The following PER1 variants were observed in gnomAD, a reference collection of about 807,000 sequenced individuals.
PER1 encodes period circadian protein homolog 1.
PER1 carries 87 observed loss-of-function variants against 125.9 expected under a neutral mutation model. That is an observed-to-expected ratio of 0.69 (90% CI 0.58 to 0.83). The LOEUF is 0.83. Among genes scored for constraint, PER1 ranks in the 40% least tolerant of loss-of-function variants. The pLI, the probability that PER1 is intolerant of heterozygous loss-of-function variation, is 0.00. For missense variants in PER1, 1,775 were observed against 1,722.8 expected, an observed-to-expected ratio of 1.03 and a Z score of -0.54; for synonymous variants, 801 against 714.7, an observed-to-expected ratio of 1.12 and a Z score of -1.93.
At chr17:8,141,731 TGAG>T (rs1223551451) in intron 22 of PER1, 71 bp downstream of exon 22, 2 of 1,534,242 alleles carry the variant, frequency 1.3e-6, no homozygotes, top group African/African-American at 2.8e-5. Flanking sequence ...CCCTTGAACT[TGAG>T]CTCAATTCTT....
At position 8,144,869 on chromosome 17, in the gene PER1, G is replaced by C; in HGVS notation, c.2343C>G (p.Ala781=). Reference sequence around the variant, plus strand: ...CCTTCTGTGTGTGCAGGGACAGCACGGCCTTGGTCAGCCCCACTGGACGGT... The same window carrying C: ...CCTTCTGTGTGTGCAGGGACAGCACCGCCTTGGTCAGCCCCACTGGACGGT... ...DAYRPVGLTK[A]VLSLHTQKEE... The change falls in exon 18 of 23, where the codon GCC becomes GCG. Residue 781 remains alanine, a synonymous_variant. Coordinates refer to ENST00000317276, the MANE Select transcript of PER1 (RefSeq NM_002616.3). 8 of 1,580,316 alleles carry C rather than the reference G, an allele frequency of 5.1e-6. No homozygotes were observed. Among genetic ancestry groups the C allele is most frequent in the Non-Finnish European group, 6.0e-6 (7 of 1,160,882 alleles).
intron 17 of PER1, among the ~76,000 whole-genome samples, chr17:8,145,472 C>T (rs572987350): frequency 3.9e-5 from 6 of 152,068 alleles, no homozygotes; most frequent in Non-Finnish European, 5.9e-5. Context: ...TACAGGCGCG[C>T]GCCACCACGC....
chr17:8,141,020 G>A lies in PER1; in HGVS notation c.*48C>T. 2 of 1,559,784 alleles carry A rather than the reference G, an allele frequency of 1.3e-6. No homozygotes were observed. The highest frequency in any genetic ancestry group is 1.7e-6 in the Non-Finnish European group (2 of 1,148,398). On this transcript the variant is annotated 3_prime_UTR_variant, in exon 23 of 23. Coordinates refer to ENST00000317276, the MANE Select transcript of PER1 (RefSeq NM_002616.3). ...CTGAGTTCTGAGAATTGGGACATAG[G>A]AGAAGAAAGCCTCTCATGGACTCCT... is the stretch of plus-strand genomic sequence containing the variant.
At chr17:8,151,115 T>G (rs1377721344) in intron 1 of PER1, among the ~76,000 whole-genome samples, 1 of 152,228 alleles carries the variant, frequency 6.6e-6, no homozygotes, top group Non-Finnish European at 1.5e-5. Flanking sequence ...GACAAAAACC[T>G]GGACACTTCC....
At chr17:8,142,583 G>A in intron 20 of PER1, 66 bp downstream of exon 20, 4 of 1,586,160 alleles carry the variant, frequency 2.5e-6, no homozygotes, top group Middle Eastern at 1.7e-4. Flanking sequence ...CGCCAAGACG[G>A]GGCCTGGGCT....
Position 8,149,216 on chromosome 17 carries a change from A to G in PER1, c.905+43T>C, listed in dbSNP as rs777019939. On this transcript the variant is annotated intron_variant, in intron 7 of 22. Coordinates refer to ENST00000317276, the MANE Select transcript of PER1 (RefSeq NM_002616.3). ...AAAGCAAAAACAAAAACAAAAACAA[A>G]AAAAAAAGGAGGCAGAGGTCTTCTC... is the stretch of plus-strand genomic sequence containing the variant. The G allele has an allele frequency of 2.6e-6, 4 of 1,563,970 alleles. No homozygotes were observed. The African/African-American group carries it at 4.1e-5, about 16-fold the overall frequency.
chr17:8,142,067 A>C, intron 21 of PER1, 112 bp from the exon 22 acceptor site: 1 of 1,422,044 alleles, frequency 7.0e-7, no homozygotes, highest in Non-Finnish European at 9.7e-7. Flanking sequence ...CTCCTCCCCT[A>C]AACTAGTGCT....
At position 8,142,251 on chromosome 17, in the gene PER1, G is replaced by T. The variant is rs530659025; in HGVS notation, c.3449+18C>A. On this transcript the variant is annotated intron_variant, in intron 21 of 22. Transcript: ENST00000317276. ...TACCTCTGAAAGGAAGGCCAAGAAG[G>T]CCTCTGAAATGCCTCACCTGGAGGG... 9.0e-6 allele frequency: 14 copies of T among 1,561,632 alleles called. 1 individual carries two copies. The highest frequency in any genetic ancestry group is 1.7e-4 in the Middle Eastern group (1 of 5,832).
chr17:8,143,245 G>C (rs754681633), intron 19 of PER1, 21 bp downstream of exon 19: 15 of 1,445,998 alleles, frequency 1.0e-5, no homozygotes, highest in Non-Finnish European at 1.4e-5. Context: ...CTGGCAGGCA[G>C]ACGCAGGGGT....
rs1982203899 is a variant in PER1 at position 8,143,373 on chromosome 17, G to A, written c.2965C>T (p.Leu989=). ...SSPLQLNLLQ[L]EELPRAEGAA... is the part of the protein sequence containing the mutation. ...CCCTCAGCACGGGGGAGCTCCTCCA[G>A]CTGCAGCAGATTGAGCTGGAGTGGA... The change falls in exon 19 of 23, where the codon CTG becomes TTG. Residue 989 remains leucine, a synonymous_variant. Coordinates refer to ENST00000317276, the MANE Select transcript of PER1 (RefSeq NM_002616.3). 1.2e-6 allele frequency: 2 copies of A among 1,613,314 alleles called. No homozygotes were observed. The highest frequency in any genetic ancestry group is 3.3e-5 in the Admixed American group (2 of 59,940).
In PER1 at chr17:8,142,450, G is replaced by A; in HGVS notation, c.3268C>T (p.Gln1090Ter). 6.3e-7 allele frequency: 1 copy of A among 1,579,030 alleles called. No individual in the cohort carries two copies. Among genetic ancestry groups the A allele is most frequent in the Non-Finnish European group, 8.6e-7 (1 of 1,161,234 alleles). ...STSASITRSSQSSHTSKYFGS... is the reference protein window; with the variant it reads ...STSASITRSS ...AAGTATTTGCTTGTGTGGCTGCTCT[G>A]GCTGCTGCCTGTGAAGTGGGGGGCA... Residue 1090 changes from glutamine to a stop codon, truncating the protein, a stop_gained, in exon 21 of 23, where the codon CAG becomes TAG. Transcript: ENST00000317276. LOFTEE classifies it high-confidence loss of function.
At position 8,141,004 on chromosome 17, in the gene PER1, G is replaced by A; in HGVS notation, c.*64C>T. ...GTTGGTCTAGCCACATCTGAGTTCTGAGAATTGGGACATAGGAGAAGAAAG... is the reference window on the plus strand; with the variant it reads ...GTTGGTCTAGCCACATCTGAGTTCTAAGAATTGGGACATAGGAGAAGAAAG... On this transcript the variant is annotated 3_prime_UTR_variant, in exon 23 of 23. Transcript: ENST00000317276. 1 of 1,530,614 alleles carries A rather than the reference G, an allele frequency of 6.5e-7. No homozygotes were observed. Among genetic ancestry groups the A allele is most frequent in the South Asian group, 1.2e-5 (1 of 80,182 alleles). 94.8% of individuals were successfully genotyped at this position (1,530,614 alleles called of 1,614,324 possible).
rs1465656757 is a variant in PER1, at chr17:8,142,161, AAGAT to A, written c.3449+104_3449+107del. The A allele has an allele frequency of 4.5e-6, 5 of 1,122,526 alleles. No homozygotes were observed. In the South Asian group the frequency reaches 6.1e-5, roughly 14 times the overall value. The allele number at this position is 1,122,526 out of a possible 1,614,324, so 69.5% of individuals were successfully genotyped here. A position where few individuals can be genotyped will look rare whatever the true frequency, so the allele number is the denominator to read the frequency against. ...AACAGGGCTCCAAGGAGCAGGAAGAAAGATAGAAACGTTTATCCTATCCAGGGCA... is the reference window on the plus strand; with the variant it reads ...AACAGGGCTCCAAGGAGCAGGAAGAAAGAAACGTTTATCCTATCCAGGGCA... On this transcript the variant is annotated intron_variant, in intron 21 of 22. Coordinates refer to ENST00000317276, the MANE Select transcript of PER1 (RefSeq NM_002616.3).
chr17:8,147,510 A>G lies in PER1; in HGVS notation c.1457T>C (p.Ile486Thr). The G allele has an allele frequency of 6.2e-7, 1 of 1,613,874 alleles. No homozygotes were observed. Among genetic ancestry groups the G allele is most frequent in the African/African-American group, 1.3e-5 (1 of 75,000 alleles). The change falls in exon 12 of 23, where the codon ATC (isoleucine) becomes ACC (threonine). Residue 486 changes from isoleucine (I) to threonine (T), a missense_variant. Ile to Thr is a moderately conservative substitution (Grantham distance 89, BLOSUM62 -1). Coordinates refer to ENST00000317276, the MANE Select transcript of PER1 (RefSeq NM_002616.3). ...PSPAPSLDTD[I>T]QELSEQIHRL... ...GTGGATCTGCTCTGACAGCTCCTGGATATCAGTGTCCAGGGAGGGAGCTGG... is the reference window on the plus strand; with the variant it reads ...GTGGATCTGCTCTGACAGCTCCTGGGTATCAGTGTCCAGGGAGGGAGCTGG...
rs376798547 is a variant in PER1, at chr17:8,146,354, G to A, written c.2038+18C>T. On this transcript the variant is annotated intron_variant, in intron 16 of 22. Transcript: ENST00000317276. ...GGCCAGGACGGGGCAGTGGGAGCAG[G>A]GTGCATTGGATCTTTACCTTTCTTG... The A allele has an allele frequency of 2.3e-5, 36 of 1,586,970 alleles. No individual in the cohort carries two copies. The highest frequency in any genetic ancestry group is 1.7e-4 in the African/African-American group (13 of 74,414).
rs376885431 is a variant in PER1 at position 8,143,349 on chromosome 17, C to T, written c.2989G>A (p.Gly997Arg). Residue 997 changes from glycine to arginine, a missense_variant, in exon 19 of 23, where the codon GGG (glycine) becomes AGG (arginine). Physicochemically the swap from Gly to Arg is moderately radical, Grantham distance 125. Coordinates refer to ENST00000317276, the MANE Select transcript of PER1 (RefSeq NM_002616.3). Reference sequence around the variant, plus strand: ...CCAGGGCCTCCTGCAACAGCAGCCCCCTCAGCACGGGGGAGCTCCTCCAGC... The same window carrying T: ...CCAGGGCCTCCTGCAACAGCAGCCCTCTCAGCACGGGGGAGCTCCTCCAGC... The part of the protein sequence containing the change: ...LQLEELPRAE[G>R]AAVAGGPGSS... The T allele has an allele frequency of 5.0e-6, 8 of 1,611,870 alleles. No individual in the cohort carries two copies. Among genetic ancestry groups the T allele is most frequent in the East Asian group, 2.2e-5 (1 of 44,826 alleles).
Position 8,142,786 on chromosome 17 carries a change from T to C in PER1, c.3122A>G (p.Asp1041Gly). The C allele has an allele frequency of 3.1e-6, 5 of 1,612,972 alleles. No individual in the cohort carries two copies. The highest frequency in any genetic ancestry group is 1.1e-5 in the South Asian group (1 of 91,080). The change falls in exon 20 of 23, where the codon GAC becomes GGC. Residue 1041 changes from aspartate (D) to glycine (G), a missense_variant. Coordinates refer to ENST00000317276, the MANE Select transcript of PER1 (RefSeq NM_002616.3). ...SNQDALSGSS[D>G]LLELLLQEDS... ...CTCTTGCAGCAGAAGTTCGAGCAGG[T>C]CACTGGAGCCGGAAAGTGCGTCCTG...
Position 8,146,121 on chromosome 17 carries a change from C to T in PER1, c.2055G>A (p.Ala685=), listed in dbSNP as rs372329496. The part of the protein sequence containing the change: ...VGTKKDPPSA[A]LSGEGATPRK... Reference sequence around the variant, plus strand: ...GTGGGGTGGCCCCCTCCCCAGACAGCGCTGCTGACGGCGGATCTGTGCAGA... The same window carrying T: ...GTGGGGTGGCCCCCTCCCCAGACAGTGCTGCTGACGGCGGATCTGTGCAGA... The change falls in exon 17 of 23, where the codon GCG becomes GCA. Residue 685 remains alanine (A), a synonymous_variant. Coordinates refer to ENST00000317276, the MANE Select transcript of PER1 (RefSeq NM_002616.3). 4.2e-5 allele frequency: 67 copies of T among 1,605,896 alleles called. No individual in the cohort carries two copies. The African/African-American group carries it at 7.9e-4, about 19-fold the overall frequency.
Position 8,150,540 on chromosome 17 carries a change from T to C in PER1, c.167A>G (p.Glu56Gly). ...DANSNGSSGN[E>G]SNGHESRGAS... is the part of the protein sequence containing the mutation. ...GCCTCTAGACTCATGCCCGTTGGAC[T>C]CATTGCCACTTGAACCATTGCTGTT... Residue 56 changes from glutamate to glycine, a missense_variant, in exon 2 of 23, where the codon GAG becomes GGG. By Grantham distance (98) the Glu-to-Gly change is moderately conservative. Coordinates refer to ENST00000317276, the MANE Select transcript of PER1 (RefSeq NM_002616.3). 6.2e-7 allele frequency: 1 copy of C among 1,614,176 alleles called. No individual in the cohort carries two copies. The highest frequency in any genetic ancestry group is 8.5e-7 in the Non-Finnish European group (1 of 1,180,022).
Sources: gnomAD v4.1 joint callset for allele counts (sites outside exome capture counted in the v4.1 genomes callset) on GRCh38, gnomAD v4.1.1 for gene constraint, MANE v1.5 for transcripts, NCBI Gene and HGNC (gene_info 2026-07-23, HGNC 2026-07-21) for gene names.